Variants in KDM4C observed in about 807,000 individuals in gnomAD.
KDM4C encodes the protein lysine-specific demethylase 4C.
KDM4C carries 81 observed loss-of-function variants against 129.3 expected under a neutral mutation model. That is an observed-to-expected ratio of 0.63 (90% confidence interval 0.52 to 0.75). KDM4C has a LOEUF of 0.75. KDM4C is among the 30% of genes least tolerant of loss of function. KDM4C has a pLI of 0.00. For missense variants in KDM4C, 1,457 were observed against 1,304.0 expected (o/e 1.12, Z -1.81); for synonymous variants, 573 against 456.1 (o/e 1.26, Z -3.26).
intron 11 of KDM4C, among the ~76,000 whole-genome samples, chr9:6,990,066 C>T (rs1348068020): frequency 6.6e-6 from 1 of 152,310 alleles, no homozygotes; most frequent in African/African-American, 2.4e-5. Flanking sequence ...GCATGAGCCA[C>T]TGTGCCTGGC....
At chr9:7,089,666 C>G (rs1350604481) in intron 17 of KDM4C, among the ~76,000 whole-genome samples, 1 of 152,126 alleles carries the variant, frequency 6.6e-6, no homozygotes, top group Admixed American at 6.5e-5. Flanking sequence ...CCTTTCCAGT[C>G]CAAGTTACAT....
In KDM4C at chr9:6,834,749, G is replaced by A. The variant is rs559370429; in HGVS notation, c.436-14758G>A. 5.6e-6 allele frequency: 6 copies of A among 1,064,548 alleles called. No homozygotes were observed. In the African/African-American group the frequency reaches 7.8e-5, roughly 14 times the overall value. The allele number at this position is 1,064,548 out of a possible 1,614,324, so 65.9% of individuals were successfully genotyped here. ...CTAAAGGGAGCTGCATGTGGTTCCC[G>A]AGGAGCATCCCATGCTGCTGACCGA... On this transcript the variant is annotated intron_variant, in intron 4 of 21. Coordinates refer to ENST00000381309, the MANE Select transcript of KDM4C (RefSeq NM_015061.6).
chr9:6,883,048 C>T (rs1219487664), intron 6 of KDM4C, among the ~76,000 whole-genome samples: 2 of 152,012 alleles, frequency 1.3e-5, no homozygotes, highest in African/African-American at 2.4e-5. Context: ...TCGTTTGGTC[C>T]GAAAAGGATT....
intron 8 of KDM4C, among the ~76,000 whole-genome samples, chr9:6,903,684 A>T (rs918562188): frequency 1.3e-5 from 2 of 152,226 alleles, no homozygotes; most frequent in Admixed American, 6.5e-5. Flanking sequence ...TGTAATTTTT[A>T]AAAATTTTAC....
intron 8 of KDM4C, among the ~76,000 whole-genome samples, chr9:6,905,145 A>G (rs1318333484): frequency 6.6e-6 from 1 of 152,244 alleles, no homozygotes; most frequent in Non-Finnish European, 1.5e-5. Flanking sequence ...ATATTAAAAA[A>G]TTAAATGCAA....
chr9:7,134,457 T>G (rs888746452), intron 19 of KDM4C, among the ~76,000 whole-genome samples: 13 of 152,240 alleles, frequency 8.5e-5, no homozygotes, highest in African/African-American at 2.9e-4. Context: ...GTTATGTTTA[T>G]GTAGCCAAAT....
intron 2 of KDM4C, among the ~76,000 whole-genome samples, chr9:6,794,148 C>T (rs1024468186): frequency 6.6e-6 from 1 of 152,198 alleles, no homozygotes; most frequent in Non-Finnish European, 1.5e-5. Context: ...TGGAGATTGC[C>T]TGCTATGTGC....
At chr9:6,939,392 A>T (rs937866182) in intron 8 of KDM4C, among the ~76,000 whole-genome samples, 1 of 152,086 alleles carries the variant, frequency 6.6e-6, no homozygotes, top group East Asian at 2.0e-4. Context: ...CAGGGCCGCC[A>T]CTGATTCTAC....
rs528014708 is a variant in KDM4C at position 7,037,986 on chromosome 9, C to T, written c.2260-8876C>T. ...AAACAAGGCTGGCAATGAGCACAGACTGTTTGATTTTATTTATTTATTTTG... is the reference window on the plus strand; with the variant it reads ...AAACAAGGCTGGCAATGAGCACAGATTGTTTGATTTTATTTATTTATTTTG... On this transcript the variant is annotated intron_variant, in intron 15 of 21. Coordinates refer to ENST00000381309, the MANE Select transcript of KDM4C (RefSeq NM_015061.6). 5.3e-5 allele frequency among the ~76,000 whole-genome samples: 8 copies of T among 152,078 alleles called. No homozygotes were observed. In the South Asian group the frequency reaches 1.5e-3, roughly 28 times the overall value.
At chr9:6,853,335 T>A (rs1185104190) in intron 5 of KDM4C, among the ~76,000 whole-genome samples, 3 of 147,936 alleles carry the variant, frequency 2.0e-5, no homozygotes, top group Non-Finnish European at 3.0e-5. Context: ...AAAAAAAAAA[T>A]AAGAAAATTA....
chr9:6,935,362 T>C (rs1308334552), intron 8 of KDM4C, among the ~76,000 whole-genome samples: 1 of 152,170 alleles, frequency 6.6e-6, no homozygotes, highest in African/African-American at 2.4e-5. Context: ...ATTCAATTTT[T>C]ATATCCTGTT....
At chr9:6,893,595 GC>G (rs1846414086) in intron 8 of KDM4C, 1 of 159,110 alleles carries the variant, frequency 6.3e-6, no homozygotes, top group Non-Finnish European at 1.4e-5. Context: ...TCAGTTTGTG[GC>G]TTAGAAAACA....
chr9:6,995,197 A>G (rs1244877118), intron 12 of KDM4C, among the ~76,000 whole-genome samples: 1 of 151,768 alleles, frequency 6.6e-6, no homozygotes, highest in Non-Finnish European at 1.5e-5. Context: ...AGAAAAGAAG[A>G]AAGATCAAGA....
At chr9:7,000,694 A>C (rs1268228471) in intron 12 of KDM4C, among the ~76,000 whole-genome samples, 1 of 152,232 alleles carries the variant, frequency 6.6e-6, no homozygotes, top group Admixed American at 6.5e-5. Flanking sequence ...CTGCAATTTC[A>C]TACAACTCAA....
chr9:6,982,531 A>G (rs1031077634), intron 9 of KDM4C: 2 of 152,198 alleles, frequency 1.3e-5, no homozygotes, highest in African/African-American at 4.8e-5. Flanking sequence ...TAGTGTCACT[A>G]TCTGAAATAT....
At chr9:6,785,505 T>G (rs1301420079) in intron 1 of KDM4C, among the ~76,000 whole-genome samples, 3 of 152,086 alleles carry the variant, frequency 2.0e-5, no homozygotes, top group Non-Finnish European at 4.4e-5. Flanking sequence ...CCTGGCTAAT[T>G]TTTTTGTATT....
intron 1 of KDM4C, among the ~76,000 whole-genome samples, chr9:6,744,152 A>G (rs115875226): frequency 0.047 from 7,205 of 152,088 alleles, 605 homozygotes; most frequent in African/African-American, 0.16. Flanking sequence ...TGGAGCCTCA[A>G]TAGCAACAGC....
chr9:6,785,499 G>A (rs1014417427), intron 1 of KDM4C, among the ~76,000 whole-genome samples: 1 of 152,146 alleles, frequency 6.6e-6, no homozygotes, highest in Non-Finnish European at 1.5e-5. Flanking sequence ...ACCATGCCTG[G>A]CTAATTTTTT....
In KDM4C at chr9:6,806,866, C is replaced by CTCTCCGTCTCCGTCTCCG. The variant is rs529750174; in HGVS notation, c.320+1109_320+1110insGTCTCCGTCTCCGTCTCC. On this transcript the variant is annotated intron_variant, in intron 3 of 21. Coordinates refer to ENST00000381309, the MANE Select transcript of KDM4C (RefSeq NM_015061.6). The stretch of plus-strand genomic sequence containing the variant: ...CAGAAGTGACACACTGTTGCTCTCC[C>CTCTCCGTCTCCGTCTCCG]TCTCCGTCTCCGTCTCCCTCTCCCT... 2.8e-4 allele frequency among the ~76,000 whole-genome samples: 40 copies of CTCTCCGTCTCCGTCTCCG among 143,598 alleles called. 1 individual carries two copies. The highest frequency in any genetic ancestry group is 1.1e-3 in the African/African-American group (39 of 36,444). 94.2% of individuals were successfully genotyped at this position (143,598 alleles called of 152,430 possible).
Sources: allele counts gnomAD v4.1 joint callset (sites outside exome capture counted in the v4.1 genomes callset), GRCh38; gene constraint gnomAD v4.1.1; transcripts MANE v1.5; gene names NCBI Gene and HGNC (gene_info 2026-07-23, HGNC 2026-07-21).